Variants in TRAFD1 observed in about 807,000 individuals in gnomAD.
TRAFD1 encodes the protein TRAF-type zinc finger domain containing 1.
TRAFD1 carries 38 observed loss-of-function variants against 65.3 expected under a neutral mutation model. The ratio of observed to expected loss-of-function variants is 0.58; its 90% CI spans 0.45 to 0.76. TRAFD1 has a LOEUF of 0.76. TRAFD1 is among the 30% of genes least tolerant of loss of function. The pLI is 0.00. For missense variants in TRAFD1, 631 were observed against 712.6 expected (o/e 0.89, Z 1.30); for synonymous variants, 223 against 257.2 (o/e 0.87, Z 1.27).
chr12:112,146,101 A>G (rs548355001), intron 7 of TRAFD1, among the ~76,000 whole-genome samples: 11 of 150,810 alleles, frequency 7.3e-5, no homozygotes, highest in Non-Finnish European at 1.5e-4. Context: ...GCACACCAGC[A>G]TGGCACATGT....
intron 6 of TRAFD1, among the ~76,000 whole-genome samples, chr12:112,143,221 A>G (rs1274760899): frequency 1.3e-5 from 2 of 151,834 alleles, no homozygotes; most frequent in African/African-American, 4.8e-5. Flanking sequence ...CTGGGACTAC[A>G]GGCGCCCACC....
chr12:112,150,592 T>C (rs891951253), intron 9 of TRAFD1, among the ~76,000 whole-genome samples: 13 of 151,234 alleles, frequency 8.6e-5, no homozygotes, highest in African/African-American at 2.9e-4. Flanking sequence ...CAGGGTCTCT[T>C]TGTCATCCAG....
At chr12:112,129,632 T>C (rs2079557462) in intron 1 of TRAFD1, among the ~76,000 whole-genome samples, 1 of 152,094 alleles carries the variant, frequency 6.6e-6, no homozygotes, top group African/African-American at 2.4e-5. Flanking sequence ...TAAGGGATGT[T>C]ATTTTATTTT....
Position 112,149,746 on chromosome 12 carries a change from T to C in TRAFD1, c.1159-5T>C. ...GAGGTACTAATTCTGGTTTTTCTTG[T>C]TTAGGACCAGTGTGACCAACGCCCA... On this transcript the variant is annotated splice_polypyrimidine_tract_variant and splice_region_variant and intron_variant, in intron 8 of 11. Transcript: ENST00000412615. 6.2e-7 allele frequency: 1 copy of C among 1,613,960 alleles called. No individual in the cohort carries two copies. Among genetic ancestry groups the C allele is most frequent in the Non-Finnish European group, 8.5e-7 (1 of 1,179,888 alleles).
chr12:112,137,623 G>A lies in TRAFD1; in HGVS notation c.237+2557G>A, dbSNP rs925484111. Among the ~76,000 whole-genome samples, 6 of 152,150 alleles carry A rather than the reference G, an allele frequency of 3.9e-5. No individual in the cohort carries two copies. The highest frequency in any genetic ancestry group is 2.6e-4 in the Admixed American group (4 of 15,278). Reference sequence around the variant, plus strand: ...TAAAAATACATAAAATTAGCTGGGCGTGGTGGCGGGCGCCTATAGTCCCAG... The same window carrying A: ...TAAAAATACATAAAATTAGCTGGGCATGGTGGCGGGCGCCTATAGTCCCAG... On this transcript the variant is annotated intron_variant, in intron 4 of 11. Coordinates refer to ENST00000412615, the MANE Select transcript of TRAFD1 (RefSeq NM_006700.3). This position sits in a 1 kb window ranked among gnomAD's most constrained non-coding sequence, Gnocchi z 4.2.
At chr12:112,133,462 G>T (rs1476800574) in intron 2 of TRAFD1, 1 of 152,110 alleles carries the variant, frequency 6.6e-6, no homozygotes, top group Non-Finnish European at 1.5e-5. Context: ...TCAGTGGTAG[G>T]GTGTTTTTTC....
Position 112,141,071 on chromosome 12 carries a change from A to G in TRAFD1, c.490A>G (p.Ile164Val), listed in dbSNP as rs781196455. 1.2e-6 allele frequency: 2 copies of G among 1,614,022 alleles called. No homozygotes were observed. Among genetic ancestry groups the G allele is most frequent in the South Asian group, 2.2e-5 (2 of 91,082 alleles). ...DESWGQDGIW[I>V]ASQLLRQIEA... ...ATCTTGGGGTCAGGATGGAATCTGGATTGCATCCCAACTCCTCAGACAAAT... is the reference window on the plus strand; with the variant it reads ...ATCTTGGGGTCAGGATGGAATCTGGGTTGCATCCCAACTCCTCAGACAAAT... Residue 164 changes from isoleucine to valine, a missense_variant, in exon 5 of 12, where the codon ATT (isoleucine) becomes GTT (valine). Transcript: ENST00000412615.
chr12:112,152,731 C>T lies in TRAFD1; in HGVS notation c.1693-4C>T, dbSNP rs1319836272. On this transcript the variant is annotated splice_region_variant and splice_polypyrimidine_tract_variant and intron_variant, in intron 11 of 11. Coordinates refer to ENST00000412615, the MANE Select transcript of TRAFD1 (RefSeq NM_006700.3). This position sits in a 1 kb window ranked among gnomAD's most constrained non-coding sequence, Gnocchi z 5.0. ...AGCTTCGTTTGTGTTGTGTTGTTCA[C>T]CAGGCAAAGCCTTCCAAGCAACAGG... 1.9e-6 allele frequency: 3 copies of T among 1,614,082 alleles called. No homozygotes were observed. The highest frequency in any genetic ancestry group is 1.1e-5 in the South Asian group (1 of 91,088).
rs1056149511 is a variant in TRAFD1 at position 112,152,051 on chromosome 12, C to A, written c.1530C>A (p.His510Gln). Reference protein sequence around the residue: ...DSQNGAIAPGHVSVIRPPQNL... With the variant: ...DSQNGAIAPGQVSVIRPPQNL... ...AGAATGGGGCCATAGCCCCTGGGCA[C>A]GTTTCAGTGATTCGCCCTCCTCAAA... The change falls in exon 10 of 12, where the codon CAC becomes CAA. Residue 510 changes from histidine (H) to glutamine (Q), a missense_variant. Transcript: ENST00000412615. The surrounding 1 kb of genome is among the most constrained non-coding windows in gnomAD (Gnocchi z 5.0). 3.1e-6 allele frequency: 5 copies of A among 1,614,220 alleles called. No individual in the cohort carries two copies. The highest frequency in any genetic ancestry group is 1.1e-5 in the South Asian group (1 of 91,088).
In TRAFD1 at chr12:112,130,402, C is replaced by A; in HGVS notation, c.-12-109C>A. On this transcript the variant is annotated intron_variant, in intron 1 of 11. Transcript: ENST00000412615. The surrounding 1 kb of genome is among the most constrained non-coding windows in gnomAD (Gnocchi z 4.4). ...ATATTGAATAAAATGCTTTAACATG[C>A]AGGTTTGGGTGACAGTTTCTGTATA... 1 of 684,500 alleles carries A rather than the reference C, an allele frequency of 1.5e-6. No individual in the cohort carries two copies. The highest frequency in any genetic ancestry group is 2.0e-5 in the South Asian group (1 of 49,386). The allele number at this position is 684,500 out of a possible 1,614,324, so 42.4% of individuals were successfully genotyped here.
intron 5 of TRAFD1, among the ~76,000 whole-genome samples, chr12:112,141,703 C>G (rs1202423219): frequency 6.6e-6 from 1 of 152,146 alleles, no homozygotes; most frequent in African/African-American, 2.4e-5. Flanking sequence ...CGTATTAACT[C>G]ATTTAATTCT....
At chr12:112,142,320 C>G in intron 6 of TRAFD1, 25 bp downstream of exon 6, 3 of 1,591,818 alleles carry the variant, frequency 1.9e-6, no homozygotes, top group Non-Finnish European at 2.6e-6. Flanking sequence ...TCTGCACTAG[C>G]CTCTTTCTCT....
At chr12:112,138,029 C>A (rs1051421685) in intron 4 of TRAFD1, among the ~76,000 whole-genome samples, 2 of 151,972 alleles carry the variant, frequency 1.3e-5, no homozygotes, top group African/African-American at 4.8e-5. Flanking sequence ...TTGCTTAAAC[C>A]AAAGAGTTCA....
At chr12:112,150,727 A>T (rs2030378449) in intron 9 of TRAFD1, among the ~76,000 whole-genome samples, 1 of 151,098 alleles carries the variant, frequency 6.6e-6, no homozygotes, top group African/African-American at 2.4e-5. Flanking sequence ...CACCCAGCTA[A>T]TTTTTAATTT....
intron 5 of TRAFD1, 149 bp from the exon 6 acceptor site, chr12:112,141,940 C>A: frequency 1.3e-6 from 1 of 783,330 alleles, no homozygotes; most frequent in Non-Finnish European, 2.0e-6. Flanking sequence ...GCTAGGAGAC[C>A]CAGAGGGTGA....
At chr12:112,143,948 G>C (rs2030163724) in intron 6 of TRAFD1, among the ~76,000 whole-genome samples, 1 of 150,512 alleles carries the variant, frequency 6.6e-6, no homozygotes, top group Admixed American at 6.6e-5. Flanking sequence ...GGCTAGTCTC[G>C]AACTCCTGAA....
At chr12:112,148,422 C>G in intron 8 of TRAFD1, 118 bp downstream of exon 8, 2 of 870,270 alleles carry the variant, frequency 2.3e-6, no homozygotes, top group South Asian at 1.7e-5. Context: ...AATGCACACA[C>G]TTGGCTTCTG....
intron 5 of TRAFD1, 102 bp downstream of exon 5, chr12:112,141,326 A>G: frequency 3.0e-6 from 4 of 1,354,144 alleles, no homozygotes; most frequent in Non-Finnish European, 4.0e-6. Flanking sequence ...TAGAAACCCG[A>G]CTGTAGCTGA....
At chr12:112,143,449 T>G (rs1041972640) in intron 6 of TRAFD1, among the ~76,000 whole-genome samples, 2 of 149,960 alleles carry the variant, frequency 1.3e-5, no homozygotes, top group African/African-American at 4.8e-5. Context: ...GGTCTCAAAC[T>G]CTTGATGTCA....
Sources: allele counts gnomAD v4.1 joint callset (sites outside exome capture counted in the v4.1 genomes callset), GRCh38; gene constraint gnomAD v4.1.1; non-coding constraint Gnocchi (gnomAD v3.1); transcripts MANE v1.5; gene names NCBI Gene and HGNC (gene_info 2026-07-23, HGNC 2026-07-21).